DPY19L3: variants seen among roughly 807,000 people sequenced by gnomAD.
The protein encoded by DPY19L3 is dpy-19 like C-mannosyltransferase 3.
In DPY19L3, 51 loss-of-function variants were observed where a neutral mutation model predicts 92.3. That is an observed-to-expected ratio of 0.55 (90% CI 0.44 to 0.70). DPY19L3 has a LOEUF of 0.70. Ranked by LOEUF, DPY19L3 falls within the 30% of genes least tolerant of loss-of-function variation. The pLI is 0.00. For missense variants in DPY19L3, 706 were observed against 855.9 expected (o/e 0.82, Z 2.18); for synonymous variants, 309 against 315.2 (o/e 0.98, Z 0.21).
At chr19:32,468,128 T>A in intron 15 of DPY19L3, 1 of 968,998 alleles carries the variant, frequency 1.0e-6, no homozygotes, top group Non-Finnish European at 1.2e-6. Context: ...GTTGTAGCTC[T>A]GCCGCTTGTG....
At chr19:32,453,487 T>C (rs1347243187) in intron 9 of DPY19L3, among the ~76,000 whole-genome samples, 1 of 152,188 alleles carries the variant, frequency 6.6e-6, no homozygotes, top group Non-Finnish European at 1.5e-5. Context: ...AGTTATTTCT[T>C]AGAGAATTGG....
chr19:32,469,615 T>C (rs1455360708), intron 16 of DPY19L3, among the ~76,000 whole-genome samples: 1 of 152,140 alleles, frequency 6.6e-6, no homozygotes, highest in Non-Finnish European at 1.5e-5. Context: ...TGTTAACTCA[T>C]CATATTGCCA....
chr19:32,434,334 C>T (rs1414205698), intron 4 of DPY19L3, among the ~76,000 whole-genome samples: 1 of 152,094 alleles, frequency 6.6e-6, no homozygotes, highest in African/African-American at 2.4e-5. Flanking sequence ...ATGTCCTTTG[C>T]ATTGTTTTGC....
chr19:32,425,516 G>A (rs1195873399), intron 3 of DPY19L3, among the ~76,000 whole-genome samples: 1 of 151,480 alleles, frequency 6.6e-6, no homozygotes, highest in Non-Finnish European at 1.5e-5. Flanking sequence ...GCGCCACTGT[G>A]CTCCATCGTG....
intron 8 of DPY19L3, among the ~76,000 whole-genome samples, chr19:32,447,771 A>AGATAGATAGATG (rs1568343875): frequency 8.3e-6 from 1 of 120,030 alleles, no homozygotes; most frequent in Non-Finnish European, 1.7e-5. Context: ...ATAGATAGAT[A>AGATAGATAGATG]GATAGATTAG....
At chr19:32,478,600 C>T (rs944500307) in intron 17 of DPY19L3, among the ~76,000 whole-genome samples, 14 of 152,186 alleles carry the variant, frequency 9.2e-5, no homozygotes, top group African/African-American at 3.4e-4. Flanking sequence ...AGGTATTTCA[C>T]GCATATACAA....
intron 6 of DPY19L3, among the ~76,000 whole-genome samples, chr19:32,438,300 C>T (rs1969211316): frequency 6.6e-6 from 1 of 152,004 alleles, no homozygotes; most frequent in Non-Finnish European, 1.5e-5. Flanking sequence ...AAGCACTTTA[C>T]AATATGTGTT....
At chr19:32,441,088 T>C (rs1046507966) in intron 8 of DPY19L3, among the ~76,000 whole-genome samples, 13 of 152,202 alleles carry the variant, frequency 8.5e-5, no homozygotes, top group African/African-American at 3.1e-4. Flanking sequence ...TTCTTTAGTG[T>C]AGTTTCACAG....
intron 3 of DPY19L3, among the ~76,000 whole-genome samples, chr19:32,430,731 C>T: frequency 6.6e-6 from 1 of 151,762 alleles, no homozygotes; most frequent in East Asian, 1.9e-4. Flanking sequence ...CTCAATCGAT[C>T]CCCCTTCCTC....
At chr19:32,423,402 A>ATTTTTTTTTTTTTTTTTTTTTTTTTTTTT in intron 3 of DPY19L3, among the ~76,000 whole-genome samples, 1 of 82,228 alleles carries the variant, frequency 1.2e-5, no homozygotes, top group African/African-American at 4.8e-5. Flanking sequence ...TGCCCAGCTA[A>ATTTTTTTTTTTTTTTTTTTTTTTTTTTTT]TTTTTTTTTT....
chr19:32,435,839 C>T lies in DPY19L3; in HGVS notation c.329-607C>T, dbSNP rs528119213. Among the ~76,000 whole-genome samples, 104 of 152,318 alleles carry T rather than the reference C, an allele frequency of 6.8e-4. 1 individual carries two copies. The highest frequency in any genetic ancestry group is 1.4e-3 in the Non-Finnish European group (93 of 68,022). On this transcript the variant is annotated intron_variant, in intron 4 of 18. Coordinates refer to ENST00000392250, the MANE Select transcript of DPY19L3 (RefSeq NM_001172774.2). ...CTGTGGCTGTGGATCTCTGTAACAG[C>T]AGGTCAAGTTCTCCTTCATCCTTCT... is the stretch of plus-strand genomic sequence containing the variant.
chr19:32,432,498 A>G (rs985143927), intron 3 of DPY19L3, among the ~76,000 whole-genome samples: 5 of 152,236 alleles, frequency 3.3e-5, no homozygotes, highest in African/African-American at 9.6e-5. Flanking sequence ...AAGATTAAAC[A>G]TTCACTAAAG....
intron 8 of DPY19L3, 140 bp downstream of exon 8, chr19:32,440,050 T>C (rs1365313145): frequency 9.1e-7 from 1 of 1,098,468 alleles, no homozygotes; most frequent in Non-Finnish European, 1.3e-6. Flanking sequence ...CTGTGGCCAA[T>C]TGAAGCTGAG....
intron 5 of DPY19L3, 132 bp from the exon 6 acceptor site, chr19:32,437,062 A>C: frequency 9.9e-7 from 1 of 1,014,686 alleles, no homozygotes; most frequent in African/African-American, 1.6e-5. Context: ...TAATAGATGA[A>C]AGGGGTGTGG....
At chr19:32,428,996 T>G (rs1248055719) in intron 3 of DPY19L3, among the ~76,000 whole-genome samples, 1 of 151,834 alleles carries the variant, frequency 6.6e-6, no homozygotes, top group Non-Finnish European at 1.5e-5. Context: ...TACAGGCGCC[T>G]GCCACCGCGC....
At chr19:32,458,953 G>A (rs1317189332) in intron 12 of DPY19L3, among the ~76,000 whole-genome samples, 2 of 152,168 alleles carry the variant, frequency 1.3e-5, no homozygotes, top group Non-Finnish European at 2.9e-5. Flanking sequence ...AGCCTCTGTT[G>A]TGTTTCCATT....
intron 12 of DPY19L3, among the ~76,000 whole-genome samples, chr19:32,461,969 G>A (rs540901378): frequency 9.2e-5 from 14 of 152,088 alleles, no homozygotes; most frequent in Non-Finnish European, 1.9e-4. Context: ...GTCCCTCAGT[G>A]GATGCCTGAA....
intron 10 of DPY19L3, among the ~76,000 whole-genome samples, chr19:32,456,525 C>G (rs1969872026): frequency 6.6e-6 from 1 of 151,884 alleles, no homozygotes; most frequent in Admixed American, 6.6e-5. Flanking sequence ...CAGTCTTGAC[C>G]TCCTGGGCTC....
intron 16 of DPY19L3, among the ~76,000 whole-genome samples, chr19:32,472,531 ATT>A (rs3038605): frequency 0.16 from 21,143 of 134,634 alleles, 1,603 homozygotes; most frequent in East Asian, 0.31. Flanking sequence ...AAAAACTTGG[ATT>A]TTTTTTTTTT....
Sources: allele counts gnomAD v4.1 joint callset (sites outside exome capture counted in the v4.1 genomes callset), GRCh38; gene constraint gnomAD v4.1.1; transcripts MANE v1.5; gene names NCBI Gene and HGNC (gene_info 2026-07-23, HGNC 2026-07-21).